The following DYNLT2B variants were observed in gnomAD, a reference collection of about 807,000 sequenced individuals.
DYNLT2B encodes dynein light chain Tctex-type 2B.
Under a neutral mutation model 19.5 loss-of-function variants are expected in DYNLT2B, and 14 were observed. The ratio of observed to expected loss-of-function variants is 0.72; its 90% CI spans 0.47 to 1.12. DYNLT2B has a LOEUF of 1.12. Among genes scored for constraint, DYNLT2B ranks in the 50% most tolerant of loss-of-function variants. The pLI, the probability that DYNLT2B is intolerant of heterozygous loss-of-function variation, is 0.00. For synonymous variants in DYNLT2B, 70 were observed against 59.7 expected, an observed-to-expected ratio of 1.17 and a Z score of -0.79; for missense variants, 133 against 174.7, an observed-to-expected ratio of 0.76 and a Z score of 1.35.
In DYNLT2B at chr3:196,307,973, C is replaced by T. The variant is rs186742482; in HGVS notation, c.248-961G>A. 8.0e-5 allele frequency among the ~76,000 whole-genome samples: 12 copies of T among 149,168 alleles called. No individual in the cohort carries two copies. The East Asian group carries it at 2.4e-3, about 29-fold the overall frequency. On this transcript the variant is annotated intron_variant, in intron 2 of 4. Transcript: ENST00000325318. ...GCAGATCCCTGTAACCCCAGCTACT[C>T]GGGAGGCTGAGGCAGGAGAATTGCT...
At chr3:196,315,641 G>A (rs1367448409) in intron 2 of DYNLT2B, among the ~76,000 whole-genome samples, 1 of 151,928 alleles carries the variant, frequency 6.6e-6, no homozygotes, top group Non-Finnish European at 1.5e-5. Flanking sequence ...GAGAGGCCGA[G>A]GCGGGTGGAT....
At chr3:196,298,707 C>T (rs1726279344) in intron 3 of DYNLT2B, among the ~76,000 whole-genome samples, 1 of 151,542 alleles carries the variant, frequency 6.6e-6, no homozygotes, top group South Asian at 2.1e-4. Flanking sequence ...GCAAACAGGC[C>T]TAGAGGAGCC....
At chr3:196,311,743 G>T (rs566567246) in intron 2 of DYNLT2B, among the ~76,000 whole-genome samples, 1 of 151,846 alleles carries the variant, frequency 6.6e-6, no homozygotes, top group African/African-American at 2.4e-5. Context: ...GAGTGCACTG[G>T]CACGATCCCA....
At chr3:196,300,109 C>T (rs954647168) in intron 3 of DYNLT2B, among the ~76,000 whole-genome samples, 2 of 151,992 alleles carry the variant, frequency 1.3e-5, no homozygotes, top group Non-Finnish European at 2.9e-5. Flanking sequence ...CTGGAACAGA[C>T]GAGGAAATGG....
chr3:196,312,081 T>C (rs1197479533), intron 2 of DYNLT2B, among the ~76,000 whole-genome samples: 6 of 152,166 alleles, frequency 3.9e-5, no homozygotes, highest in Non-Finnish European at 1.5e-5. Flanking sequence ...GGTTTCTCCA[T>C]GTTGGTCAGC....
intron 3 of DYNLT2B, among the ~76,000 whole-genome samples, chr3:196,299,304 C>T (rs1166366766): frequency 6.6e-6 from 1 of 151,918 alleles, no homozygotes; most frequent in African/African-American, 2.4e-5. Flanking sequence ...AGGCTGGTCT[C>T]GAATTCTTGA....
In DYNLT2B at chr3:196,291,329, A is replaced by G; in HGVS notation, c.427T>C (p.Ter143ArgextTer4). The G allele has an allele frequency of 1.2e-6, 2 of 1,609,852 alleles. No individual in the cohort carries two copies. Among genetic ancestry groups the G allele is most frequent in the South Asian group, 1.1e-5 (1 of 89,930 alleles). ...TTACCAGCTTTTCAAAGATTCATTC[A>G]GTAGTAGAAACAGCCAAATGCTGCT... ...VVAAFGCFYY[*>R] The change falls in exon 5 of 5, where the codon TGA becomes CGA. Residue 143 changes from the stop codon to arginine (R), a stop_lost. Coordinates refer to ENST00000325318, the MANE Select transcript of DYNLT2B (RefSeq NM_152773.5).
At chr3:196,293,646 A>T (rs1452676485) in intron 4 of DYNLT2B, among the ~76,000 whole-genome samples, 16 of 118,890 alleles carry the variant, frequency 1.3e-4, no homozygotes, top group Admixed American at 4.6e-4. Context: ...AACAAGATGC[A>T]TTTTTTTTTT....
rs766324989 is a variant in DYNLT2B, at chr3:196,291,301, C to CT, written c.*25dup. Reference sequence around the variant, plus strand: ...AGTTCAGATTTCTTCATGGTCATGTCTTTTACCAGCTTTTCAAAGATTCAT... The same window carrying CT: ...AGTTCAGATTTCTTCATGGTCATGTCTTTTTACCAGCTTTTCAAAGATTCAT... On this transcript the variant is annotated 3_prime_UTR_variant, in exon 5 of 5. Coordinates refer to ENST00000325318, the MANE Select transcript of DYNLT2B (RefSeq NM_152773.5). 6.9e-5 allele frequency: 111 copies of CT among 1,600,250 alleles called. No individual in the cohort carries two copies. Among genetic ancestry groups the CT allele is most frequent in the Admixed American group, 3.3e-4 (19 of 56,768 alleles).
At chr3:196,295,279 G>A (rs1470976555) in intron 4 of DYNLT2B, among the ~76,000 whole-genome samples, 2 of 152,154 alleles carry the variant, frequency 1.3e-5, no homozygotes, top group East Asian at 3.9e-4. Context: ...TCCTGCCTCA[G>A]CCTCCTGAGT....
At position 196,318,077 on chromosome 3, in the gene DYNLT2B, CG is replaced by C; in HGVS notation, c.75del (p.Glu26ArgfsTer56). 1 of 1,565,000 alleles carries C rather than the reference CG, an allele frequency of 6.4e-7. No homozygotes were observed. The part of the protein sequence containing the change: ...VPEAEKNAGE[P>X]ENTYILRPVF... ...ACAGGCCGCAGAATATAGGTGTTCTCGGGCTCCCCTGCGTTCTTCTCAGCCT... is the reference window on the plus strand; with the variant it reads ...ACAGGCCGCAGAATATAGGTGTTCTCGGCTCCCCTGCGTTCTTCTCAGCCT... On this transcript the variant is annotated frameshift_variant, in exon 1 of 5. Transcript: ENST00000325318. LOFTEE classifies it high-confidence loss of function.
intron 2 of DYNLT2B, among the ~76,000 whole-genome samples, chr3:196,315,572 T>G (rs1726764216): frequency 6.6e-6 from 1 of 151,666 alleles, no homozygotes; most frequent in Non-Finnish European, 1.5e-5. Context: ...TTATTTTGCT[T>G]TTTAATACAC....
intron 2 of DYNLT2B, among the ~76,000 whole-genome samples, chr3:196,310,579 C>A (rs1012323145): frequency 6.6e-6 from 1 of 151,444 alleles, no homozygotes; most frequent in African/African-American, 2.4e-5. Context: ...CAGGCACGCA[C>A]CACCATACCT....
At chr3:196,297,013 GA>G (rs1726240261) in intron 3 of DYNLT2B, among the ~76,000 whole-genome samples, 1 of 151,662 alleles carries the variant, frequency 6.6e-6, no homozygotes, top group Admixed American at 6.6e-5. Context: ...CTAACACGGT[GA>G]AACCCCATCT....
chr3:196,314,573 G>A (rs183617953), intron 2 of DYNLT2B, among the ~76,000 whole-genome samples: 7 of 152,074 alleles, frequency 4.6e-5, no homozygotes, highest in East Asian at 1.9e-4. Context: ...AGCAGTTTGC[G>A]AGGCCTAGGT....
intron 2 of DYNLT2B, among the ~76,000 whole-genome samples, chr3:196,311,581 G>A (rs1373742832): frequency 6.6e-6 from 1 of 152,054 alleles, no homozygotes; most frequent in African/African-American, 2.4e-5. Flanking sequence ...AAAGTCTGCA[G>A]ATTGAAAGCT....
At chr3:196,307,425 C>T (rs566635729) in intron 2 of DYNLT2B, among the ~76,000 whole-genome samples, 2 of 152,212 alleles carry the variant, frequency 1.3e-5, no homozygotes. Context: ...ACCTCAGCCT[C>T]CTCAGTAGCT....
chr3:196,304,062 G>T (rs1414014855), intron 3 of DYNLT2B, among the ~76,000 whole-genome samples: 2 of 152,138 alleles, frequency 1.3e-5, no homozygotes, highest in African/African-American at 4.8e-5. Context: ...GGGAAACTGG[G>T]TGTGGAGTAT....
At chr3:196,314,845 A>AC (rs1726736773) in intron 2 of DYNLT2B, among the ~76,000 whole-genome samples, 3 of 151,986 alleles carry the variant, frequency 2.0e-5, no homozygotes, top group African/African-American at 7.3e-5. Flanking sequence ...ACAAAAAAAA[A>AC]CAAAACAATC....
Sources: gnomAD v4.1 joint callset for allele counts (sites outside exome capture counted in the v4.1 genomes callset) on GRCh38, gnomAD v4.1.1 for gene constraint, MANE v1.5 for transcripts, NCBI Gene and HGNC (gene_info 2026-07-23, HGNC 2026-07-21) for gene names.